DTD1: variants seen among roughly 807,000 people sequenced by gnomAD.
The protein encoded by DTD1 is D-tyrosyl-tRNA deacylase 1 homolog.
DTD1 carries 13 observed loss-of-function variants against 25.6 expected under a neutral mutation model. The observed-to-expected ratio is 0.51, with a 90% CI of 0.33 to 0.81. The LOEUF is 0.81. Ranked by LOEUF, DTD1 falls within the 30% of genes least tolerant of loss-of-function variation. The pLI is 0.02. For synonymous variants in DTD1, 110 were observed against 103.6 expected (o/e 1.06, Z -0.37); for missense variants, 193 against 266.4 (o/e 0.72, Z 1.92).
intron 4 of DTD1, among the ~76,000 whole-genome samples, chr20:18,662,161 A>G (rs963744427): frequency 6.6e-6 from 1 of 152,198 alleles, no homozygotes; most frequent in Non-Finnish European, 1.5e-5. Flanking sequence ...CTTAAAAAAA[A>G]GTTGTGAAAA....
At chr20:18,632,165 C>T (rs562432027) in intron 4 of DTD1, 4 of 985,288 alleles carry the variant, frequency 4.1e-6, no homozygotes, top group African/African-American at 3.5e-5. Context: ...AATCCCTCTC[C>T]CCAAATCAAA....
At chr20:18,645,060 G>A (rs2060845494) in intron 4 of DTD1, among the ~76,000 whole-genome samples, 1 of 152,200 alleles carries the variant, frequency 6.6e-6, no homozygotes, top group Non-Finnish European at 1.5e-5. Context: ...CTGAGGCGAA[G>A]AATCACTTGA....
intron 3 of DTD1, among the ~76,000 whole-genome samples, chr20:18,602,091 A>G (rs2060637662): frequency 7.5e-6 from 1 of 133,998 alleles, no homozygotes; most frequent in Non-Finnish European, 1.6e-5. Flanking sequence ...GAGCTGATGG[A>G]GCTGAAAACC....
At chr20:18,694,636 T>C (rs1174331610) in intron 4 of DTD1, among the ~76,000 whole-genome samples, 2 of 152,134 alleles carry the variant, frequency 1.3e-5, no homozygotes, top group Admixed American at 1.3e-4. Flanking sequence ...ACAACTGGGT[T>C]AGGGAGCAGC....
At chr20:18,746,294 T>C (rs1162124696) in intron 5 of DTD1, among the ~76,000 whole-genome samples, 7 of 152,178 alleles carry the variant, frequency 4.6e-5, no homozygotes, top group Non-Finnish European at 1.0e-4. Flanking sequence ...CAAATTATGA[T>C]AGAAGAACAT....
intron 4 of DTD1, among the ~76,000 whole-genome samples, chr20:18,732,519 T>C (rs1201311204): frequency 6.6e-6 from 1 of 152,186 alleles, no homozygotes. Flanking sequence ...TGCATCTCCT[T>C]CAGTGGAAAG....
intron 4 of DTD1, among the ~76,000 whole-genome samples, chr20:18,662,293 C>T (rs1404652464): frequency 2.0e-5 from 3 of 152,060 alleles, no homozygotes; most frequent in Admixed American, 1.3e-4. Flanking sequence ...AGGCTGGTCT[C>T]GAACTTCTGA....
intron 5 of DTD1, among the ~76,000 whole-genome samples, chr20:18,748,829 C>G (rs996508808): frequency 6.6e-6 from 1 of 152,144 alleles, no homozygotes; most frequent in Non-Finnish European, 1.5e-5. Flanking sequence ...TAGCATAGAA[C>G]TTGGGGTCAG....
intron 4 of DTD1, among the ~76,000 whole-genome samples, chr20:18,665,280 G>A (rs2060927468): frequency 6.6e-6 from 1 of 152,184 alleles, no homozygotes; most frequent in Admixed American, 6.5e-5. Flanking sequence ...TGACAGGCTG[G>A]CACTTCATTA....
chr20:18,633,295 G>A (rs189485294), intron 4 of DTD1, among the ~76,000 whole-genome samples: 1 of 152,130 alleles, frequency 6.6e-6, no homozygotes, highest in Non-Finnish European at 1.5e-5. Context: ...TGAGAAGAGG[G>A]TCAAGCTCTT....
intron 4 of DTD1, among the ~76,000 whole-genome samples, chr20:18,686,980 A>G (rs2061019505): frequency 6.6e-6 from 1 of 152,236 alleles, no homozygotes; most frequent in African/African-American, 2.4e-5. Flanking sequence ...TTTAGCAGTG[A>G]ACATAGAAAG....
chr20:18,671,686 C>T (rs976574101), intron 4 of DTD1, among the ~76,000 whole-genome samples: 15 of 152,212 alleles, frequency 9.9e-5, no homozygotes, highest in African/African-American at 3.6e-4. Flanking sequence ...TGCTTAATTT[C>T]TGATGACTTC....
At chr20:18,731,488 A>T (rs1277084690) in intron 4 of DTD1, among the ~76,000 whole-genome samples, 1 of 152,200 alleles carries the variant, frequency 6.6e-6, no homozygotes, top group Non-Finnish European at 1.5e-5. Context: ...TATAATGAAA[A>T]ATAACACTCT....
chr20:18,698,090 T>G (rs1039453818), intron 4 of DTD1, among the ~76,000 whole-genome samples: 1 of 152,228 alleles, frequency 6.6e-6, no homozygotes, highest in Non-Finnish European at 1.5e-5. Context: ...ATGAACACCT[T>G]TGTATGAGCA....
intron 4 of DTD1, among the ~76,000 whole-genome samples, chr20:18,729,153 G>C (rs1238527140): frequency 7.9e-5 from 12 of 152,206 alleles, no homozygotes. Flanking sequence ...ACAGGCATGT[G>C]CCACCACGTC....
intron 2 of DTD1, among the ~76,000 whole-genome samples, chr20:18,595,754 T>C (rs1276756759): frequency 6.6e-6 from 1 of 152,220 alleles, no homozygotes; most frequent in Admixed American, 6.5e-5. Flanking sequence ...TGCTATGAAC[T>C]GGAGCGACTG....
At chr20:18,619,388 A>G (rs917417595) in intron 3 of DTD1, among the ~76,000 whole-genome samples, 1 of 152,106 alleles carries the variant, frequency 6.6e-6, no homozygotes, top group Non-Finnish European at 1.5e-5. Context: ...CAAAATTACA[A>G]AGAAATTTGG....
At position 18,723,724 on chromosome 20, in the gene DTD1, G is replaced by A. The variant is rs75124118; in HGVS notation, c.478-20376G>A. 3.2e-3 allele frequency among the ~76,000 whole-genome samples: 480 copies of A among 152,296 alleles called. 4 individuals carry two copies. The highest frequency in any genetic ancestry group is 0.011 in the African/African-American group (461 of 41,550). ...GAATTTACATACCTCAAATTCATGC[G>A]TGCTGCAGCTCCATTGTAGAGGAAA... On this transcript the variant is annotated intron_variant, in intron 4 of 5. Coordinates refer to ENST00000377452, the MANE Select transcript of DTD1 (RefSeq NM_080820.6).
intron 4 of DTD1, among the ~76,000 whole-genome samples, chr20:18,647,782 C>T (rs6081275): frequency 4.6e-5 from 7 of 152,100 alleles, no homozygotes; most frequent in African/African-American, 1.7e-4. Context: ...GGTCAGAAGT[C>T]GTCCTCAGCT....
Sources: allele counts gnomAD v4.1 joint callset (sites outside exome capture counted in the v4.1 genomes callset), GRCh38; gene constraint gnomAD v4.1.1; transcripts MANE v1.5; gene names NCBI Gene and HGNC (gene_info 2026-07-23, HGNC 2026-07-21).